MBNL3: variants seen among roughly 807,000 people sequenced by gnomAD.
MBNL3 encodes muscleblind-like protein 3.
In MBNL3, 6 loss-of-function variants were observed where a neutral mutation model predicts 24.5. That is an observed-to-expected ratio of 0.25 (90% confidence interval 0.13 to 0.48). MBNL3 has a LOEUF of 0.48. Ranked by LOEUF, MBNL3 falls within the 20% of genes least tolerant of loss-of-function variation. The pLI is 0.99. For synonymous variants in MBNL3, 100 were observed against 101.7 expected (o/e 0.98, Z 0.10); for missense variants, 230 against 293.5 (o/e 0.78, Z 1.58).
At chrX:132,440,965 AT>A (rs1945360015) in intron 1 of MBNL3, among the ~76,000 whole-genome samples, 1 of 112,622 alleles carries the variant, frequency 8.9e-6, no homozygotes, top group Non-Finnish European at 1.9e-5. Context: ...ATTTCATTTA[AT>A]TTTTTCAACA....
chrX:132,380,776 T>C (rs750279237), intron 8 of MBNL3, among the ~76,000 whole-genome samples: 29 of 110,498 alleles, frequency 2.6e-4, no homozygotes, highest in Admixed American at 2.6e-3. Flanking sequence ...AAGTGAATGA[T>C]TGCTTAAAAA....
chrX:132,448,537 C>G (rs1945864188), intron 1 of MBNL3, among the ~76,000 whole-genome samples: 1 of 111,346 alleles, frequency 9.0e-6, no homozygotes, highest in Admixed American at 9.5e-5. Flanking sequence ...TCTCCCTTTT[C>G]TTCTTTATTA....
Position 132,386,724 on chromosome X carries a change from C to G in MBNL3, c.859G>C (p.Val287Leu). The change falls in exon 6 of 9, where the codon GTT becomes CTT. Residue 287 changes from valine (V) to leucine (L), a missense_variant. By Grantham distance (32) the Val-to-Leu change is conservative (BLOSUM62 1). Transcript: ENST00000370853. ...NGATPVFNPTVFHCQQALTNL... is the reference protein window; with the variant it reads ...NGATPVFNPTLFHCQQALTNL... ...GTCAGAGCCTGTTGGCAGTGGAAAA[C>G]AGTGGGATTAAAGACCGGGGTGGCA... The G allele has an allele frequency of 8.3e-7, 1 of 1,211,035 alleles. No individual in the cohort carries two copies. Among genetic ancestry groups the G allele is most frequent in the Non-Finnish European group, 1.1e-6 (1 of 895,419 alleles).
intron 1 of MBNL3, among the ~76,000 whole-genome samples, chrX:132,466,366 C>G (rs1946885260): frequency 8.9e-6 from 1 of 112,144 alleles, no homozygotes; most frequent in South Asian, 3.7e-4. Flanking sequence ...TTCTTCCTCA[C>G]TGGCAGCTAT....
chrX:132,410,939 T>A (rs1391504301), intron 2 of MBNL3, among the ~76,000 whole-genome samples: 1 of 112,181 alleles, frequency 8.9e-6, no homozygotes, highest in Non-Finnish European at 1.9e-5. Flanking sequence ...AAATGGATAA[T>A]CTGCATCATT....
intron 1 of MBNL3, among the ~76,000 whole-genome samples, chrX:132,443,385 T>C (rs973799134): frequency 8.9e-6 from 1 of 112,056 alleles, no homozygotes; most frequent in Non-Finnish European, 1.9e-5. Context: ...TTATCTCTCC[T>C]GGGAATCTTA....
At chrX:132,380,189 G>A (rs755263933) in intron 8 of MBNL3, among the ~76,000 whole-genome samples, 2 of 111,931 alleles carry the variant, frequency 1.8e-5, no homozygotes, top group South Asian at 3.7e-4. Context: ...AAGTGATTAT[G>A]TTCTGCCAAA....
intron 5 of MBNL3, among the ~76,000 whole-genome samples, chrX:132,387,084 G>A (rs1936185836): frequency 9.2e-6 from 1 of 108,580 alleles, no homozygotes; most frequent in African/African-American, 3.4e-5. Flanking sequence ...ACCAGCCCGG[G>A]CAATATGGCA....
intron 2 of MBNL3, among the ~76,000 whole-genome samples, chrX:132,422,552 C>T (rs1179037245): frequency 8.9e-6 from 1 of 111,853 alleles, no homozygotes; most frequent in Non-Finnish European, 1.9e-5. Context: ...TGTGATGCTC[C>T]TTGGAGGGAA....
At chrX:132,451,766 G>T (rs1946124544) in intron 1 of MBNL3, among the ~76,000 whole-genome samples, 1 of 111,580 alleles carries the variant, frequency 9.0e-6, no homozygotes, top group South Asian at 3.8e-4. Flanking sequence ...CGGCTGCCCA[G>T]TTTTGTGCTT....
At chrX:132,396,392 T>G (rs773432597) in intron 3 of MBNL3, among the ~76,000 whole-genome samples, 3 of 85,483 alleles carry the variant, frequency 3.5e-5, no homozygotes, top group Admixed American at 2.9e-4. Flanking sequence ...ATATATATAT[T>G]CCTATATATA....
chrX:132,408,092 C>CT lies in MBNL3; in HGVS notation c.178-1701dup, dbSNP rs60044820. ...CCTGACCTCTCTTCTGAATTTCAGTCTTTTTTTTTTTTTTTTTTTTTTTTT... is the reference window on the plus strand; with the variant it reads ...CCTGACCTCTCTTCTGAATTTCAGTCTTTTTTTTTTTTTTTTTTTTTTTTTT... On this transcript the variant is annotated intron_variant, in intron 2 of 8. Transcript: ENST00000370853. 5.8e-4 allele frequency among the ~76,000 whole-genome samples: 13 copies of CT among 22,572 alleles called. 2 individuals are homozygous for CT. The highest frequency in any genetic ancestry group is 9.5e-4 in the Non-Finnish European group (12 of 12,635). The allele number at this position is 22,572 out of a possible 115,157, so 19.6% of individuals were successfully genotyped here.
At position 132,374,707 on chromosome X, in the gene MBNL3, C is replaced by A. The variant is rs1050292353; in HGVS notation, c.*4959G>T. ...CCTAACTGAGACAGTCAATTAACTG[C>A]AGCATATGTTTCTTAAACACTGTTA... On this transcript the variant is annotated 3_prime_UTR_variant, in exon 9 of 9. Coordinates refer to ENST00000370853, the MANE Select transcript of MBNL3 (RefSeq NM_001386889.1). 8.9e-6 allele frequency: 1 copy of A among 111,844 alleles called. No homozygotes were observed. Among genetic ancestry groups the A allele is most frequent in the Admixed American group, 9.5e-5 (1 of 10,559 alleles). 9.2% of individuals were successfully genotyped at this position (111,844 alleles called of 1,213,427 possible). A position where few individuals can be genotyped will look rare whatever the true frequency, so the allele number is the denominator to read the frequency against.
rs745557671 is a variant in MBNL3 at position 132,439,388 on chromosome X, CAT to C, written c.177+45_177+46del. On this transcript the variant is annotated intron_variant, in intron 2 of 8. Transcript: ENST00000370853. Reference sequence around the variant, plus strand: ...TCAAAGCACATCATATTTCAAAAAACATAGAAATCAACAAATTTAAATTATGT... The same window carrying C: ...TCAAAGCACATCATATTTCAAAAAACAGAAATCAACAAATTTAAATTATGT... 7.2e-5 allele frequency: 78 copies of C among 1,079,162 alleles called. No individual in the cohort carries two copies. In the South Asian group the frequency reaches 2.0e-3, roughly 28 times the overall value. The allele number at this position is 1,079,162 out of a possible 1,213,427, so 88.9% of individuals were successfully genotyped here. A position where few individuals can be genotyped will look rare whatever the true frequency, so the allele number is the denominator to read the frequency against.
intron 5 of MBNL3, among the ~76,000 whole-genome samples, chrX:132,388,469 T>C (rs901306884): frequency 1.8e-5 from 2 of 112,284 alleles, no homozygotes; most frequent in African/African-American, 3.2e-5. Context: ...ACGGGGAGTG[T>C]CCCCTTCTCT....
chrX:132,396,511 C>CATATATATTCCT (rs1569424033), intron 3 of MBNL3, among the ~76,000 whole-genome samples: 2 of 50,081 alleles, frequency 4.0e-5, no homozygotes, highest in Non-Finnish European at 5.7e-5. Flanking sequence ...TATATATATT[C>CATATATATTCCT]ATATATATTC....
chrX:132,407,822 GC>G (rs1255299321), intron 2 of MBNL3, among the ~76,000 whole-genome samples: 6 of 111,129 alleles, frequency 5.4e-5, no homozygotes, highest in Non-Finnish European at 1.1e-4. Flanking sequence ...AGGTGATCTG[GC>G]TCAGAATTAA....
intron 6 of MBNL3, among the ~76,000 whole-genome samples, chrX:132,384,914 A>G (rs1935722470): frequency 8.9e-6 from 1 of 112,225 alleles, no homozygotes; most frequent in South Asian, 3.7e-4. Context: ...TAGGTACAAA[A>G]TCAGCTATAA....
intron 2 of MBNL3, chrX:132,430,615 G>A (rs1160899304): frequency 8.9e-6 from 1 of 111,933 alleles, no homozygotes; most frequent in Non-Finnish European, 1.9e-5. Flanking sequence ...TGATTAGACC[G>A]AGACCATGTC....
Sources: gnomAD v4.1 joint callset for allele counts (sites outside exome capture counted in the v4.1 genomes callset) on GRCh38, gnomAD v4.1.1 for gene constraint, MANE v1.5 for transcripts, NCBI Gene and HGNC (gene_info 2026-07-23, HGNC 2026-07-21) for gene names.